The following GABBR1 variants were observed in gnomAD, a reference collection of about 807,000 sequenced individuals.
The protein encoded by GABBR1 is gamma-aminobutyric acid type B receptor subunit 1.
A neutral mutation model predicts 117.7 loss-of-function variants in GABBR1; 35 were observed. The observed-to-expected ratio is 0.30, with a 90% confidence interval of 0.23 to 0.39. The LOEUF is 0.39. GABBR1 is among the 10% of genes least tolerant of loss of function. GABBR1 has a pLI of 1.00. For synonymous variants in GABBR1, 442 were observed against 486.6 expected, an observed-to-expected ratio of 0.91 and a Z score of 1.21; for missense variants, 709 against 1,241.8, an observed-to-expected ratio of 0.57 and a Z score of 6.45.
Position 29,624,020 on chromosome 6 carries a change from TCA to T in GABBR1, c.660_661del (p.Cys220Ter). On this transcript the variant is annotated stop_gained and frameshift_variant and splice_region_variant, in exon 7 of 23. Transcript: ENST00000377034. LOFTEE classifies it high-confidence loss of function. ...TAGGTACTTGGTGGCTTGGCCTGGATCACACTGAAAGACAAGAGGAGATGAGG... is the reference window on the plus strand; with the variant it reads ...TAGGTACTTGGTGGCTTGGCCTGGATCACTGAAAGACAAGAGGAGATGAGG... 1 of 1,611,108 alleles carries T rather than the reference TCA, an allele frequency of 6.2e-7. No homozygotes were observed. The highest frequency in any genetic ancestry group is 8.5e-7 in the Non-Finnish European group (1 of 1,178,790).
In GABBR1 at chr6:29,631,260, TA is replaced by T; in HGVS notation, c.289+135del. On this transcript the variant is annotated intron_variant, in intron 3 of 22. Coordinates refer to ENST00000377034, the MANE Select transcript of GABBR1 (RefSeq NM_001470.4). The surrounding 1 kb of genome is among the most constrained non-coding windows in gnomAD (Gnocchi z 5.9). ...CGCACAGAGCAAAATTGCTCTTATGTAGTAGTCATTCAATAAATGTATTTGT... is the reference window on the plus strand; with the variant it reads ...CGCACAGAGCAAAATTGCTCTTATGTGTAGTCATTCAATAAATGTATTTGT... 3 of 889,680 alleles carry T rather than the reference TA, an allele frequency of 3.4e-6. No homozygotes were observed. The highest frequency in any genetic ancestry group is 3.5e-6 in the Non-Finnish European group (2 of 567,006). 55.1% of individuals were successfully genotyped at this position (889,680 alleles called of 1,614,324 possible). A position where few individuals can be genotyped will look rare whatever the true frequency, so the allele number is the denominator to read the frequency against.
In GABBR1 at chr6:29,627,143, G is replaced by C. The variant is rs1182005804; in HGVS notation, c.657+343C>G. On this transcript the variant is annotated intron_variant, in intron 6 of 22. Coordinates refer to ENST00000377034, the MANE Select transcript of GABBR1 (RefSeq NM_001470.4). This position sits in a 1 kb window ranked among gnomAD's most constrained non-coding sequence, Gnocchi z 4.4. The stretch of plus-strand genomic sequence containing the variant: ...TTCCCTCCACCCCCAACCCATTCCA[G>C]GGTTAGTTTACTCCCTCAGAGGATC... Among the ~76,000 whole-genome samples the C allele has an allele frequency of 1.3e-5, 2 of 152,060 alleles. No individual in the cohort carries two copies. Among genetic ancestry groups the C allele is most frequent in the Admixed American group, 6.5e-5 (1 of 15,274 alleles).
Position 29,623,368 on chromosome 6 carries a change from G to C in GABBR1, c.900C>G (p.Leu300=), listed in dbSNP as rs1480036179. The change falls in exon 8 of 23, where the codon CTC becomes CTG. Residue 300 remains leucine (L), a synonymous_variant. Coordinates refer to ENST00000377034, the MANE Select transcript of GABBR1 (RefSeq NM_001470.4). The surrounding 1 kb of genome is among the most constrained non-coding windows in gnomAD (Gnocchi z 6.2). ...ATLHNPTRVK[L]FEKWGWKKIA... ...TCTTCTTCCAGCCCCACTTTTCAAA[G>C]AGTTTCACGCGGGTAGGGTTGTGGA... The C allele has an allele frequency of 6.2e-7, 1 of 1,614,034 alleles. No individual in the cohort carries two copies. The highest frequency in any genetic ancestry group is 8.5e-7 in the Non-Finnish European group (1 of 1,180,036).
rs773682016 is a variant in GABBR1, at chr6:29,621,742, C to G, written c.1131+10G>C. On this transcript the variant is annotated intron_variant, in intron 10 of 22. Transcript: ENST00000377034. This position sits in a 1 kb window ranked among gnomAD's most constrained non-coding sequence, Gnocchi z 5.0. The stretch of plus-strand genomic sequence containing the variant: ...ACCCAGTGCCCCTCCCTCTTCAGAT[C>G]CAACTCCACCTCACAAAAAACTTTC... 1 of 1,612,882 alleles carries G rather than the reference C, an allele frequency of 6.2e-7. No individual in the cohort carries two copies. Among genetic ancestry groups the G allele is most frequent in the Non-Finnish European group, 8.5e-7 (1 of 1,178,994 alleles).
In GABBR1 at chr6:29,620,892, T is replaced by C. The variant is rs1008173624; in HGVS notation, c.1323+209A>G. The stretch of plus-strand genomic sequence containing the variant: ...CTACTGAACATACAACTCCATCGTT[T>C]TTTTTTTTTTCTCTCTCTACCCAAG... On this transcript the variant is annotated intron_variant, in intron 11 of 22. Coordinates refer to ENST00000377034, the MANE Select transcript of GABBR1 (RefSeq NM_001470.4). This position sits in a 1 kb window ranked among gnomAD's most constrained non-coding sequence, Gnocchi z 4.5. Among the ~76,000 whole-genome samples, 1 of 138,960 alleles carries C rather than the reference T, an allele frequency of 7.2e-6. No individual in the cohort carries two copies. The highest frequency in any genetic ancestry group is 1.6e-5 in the Non-Finnish European group (1 of 61,744). 91.2% of individuals were successfully genotyped at this position (138,960 alleles called of 152,430 possible).
rs1015508035 is a variant in GABBR1 at position 29,609,079 on chromosome 6, G to C, written c.1859+150C>G. The stretch of plus-strand genomic sequence containing the variant: ...GGAGTAGGAGTGGGGGTTATATCTG[G>C]TTTCCCTGTTTTCATTCTCAACAAG... On this transcript the variant is annotated intron_variant, in intron 15 of 22. Transcript: ENST00000377034. This position sits in a 1 kb window ranked among gnomAD's most constrained non-coding sequence, Gnocchi z 4.3. 75 of 795,398 alleles carry C rather than the reference G, an allele frequency of 9.4e-5. No individual in the cohort carries two copies. In the East Asian group the frequency reaches 1.9e-3, roughly 20 times the overall value. The allele number at this position is 795,398 out of a possible 1,614,324, so 49.3% of individuals were successfully genotyped here.
At chr6:29,615,595 T>G (rs1582979980) in intron 11 of GABBR1, among the ~76,000 whole-genome samples, 5 of 127,378 alleles carry the variant, frequency 3.9e-5, no homozygotes, top group South Asian at 2.5e-4. Flanking sequence ...GGCGATGGAG[T>G]GAGACTCTGC....
rs575666446 is a variant in GABBR1, at chr6:29,611,351, G to A, written c.1631-350C>T. Among the ~76,000 whole-genome samples the A allele has an allele frequency of 2.6e-5, 4 of 152,230 alleles. No homozygotes were observed. The East Asian group carries it at 7.7e-4, about 29-fold the overall frequency. On this transcript the variant is annotated intron_variant, in intron 13 of 22. Coordinates refer to ENST00000377034, the MANE Select transcript of GABBR1 (RefSeq NM_001470.4). The surrounding 1 kb of genome is among the most constrained non-coding windows in gnomAD (Gnocchi z 4.6). ...CTTCTAAAGCTTTACACATATTTCTGCTTATTCTTCCTCTCATGATGGGCA... is the reference window on the plus strand; with the variant it reads ...CTTCTAAAGCTTTACACATATTTCTACTTATTCTTCCTCTCATGATGGGCA...
intron 15 of GABBR1, among the ~76,000 whole-genome samples, chr6:29,608,949 C>A (rs888151010): frequency 1.3e-5 from 2 of 152,162 alleles, no homozygotes; most frequent in African/African-American, 4.8e-5. Context: ...AAGCACAGGC[C>A]CCCACTAGAA....
chr6:29,629,198 A>C (rs1252789414), intron 4 of GABBR1, 91 bp from the exon 5 acceptor site: 1 of 1,431,636 alleles, frequency 7.0e-7, no homozygotes, highest in Admixed American at 1.8e-5. Context: ...ACACCTGTCC[A>C]TGCTGAAGAC....
Position 29,631,516 on chromosome 6 carries a change from G to A in GABBR1, c.169C>T (p.Leu57=). The change falls in exon 3 of 23, where the codon CTG becomes TTG. Residue 57 remains leucine, a synonymous_variant. Transcript: ENST00000377034. The surrounding 1 kb of genome is among the most constrained non-coding windows in gnomAD (Gnocchi z 5.9). ...TACTCAATCTCATAGTCCACTGGCA[G>A]GAAGTTGATAGCCTTCACCTGGTCC... is the stretch of plus-strand genomic sequence containing the variant. ...TRDQVKAINF[L]PVDYEIEYVC... The A allele has an allele frequency of 1.9e-6, 3 of 1,614,232 alleles. No homozygotes were observed. The highest frequency in any genetic ancestry group is 1.7e-5 in the Admixed American group (1 of 60,028).
rs976254998 is a variant in GABBR1, at chr6:29,620,087, C to A, written c.1323+1014G>T. On this transcript the variant is annotated intron_variant, in intron 11 of 22. Transcript: ENST00000377034. The surrounding 1 kb of genome is among the most constrained non-coding windows in gnomAD (Gnocchi z 4.5). ...TTTCCATGGGAAGTGATGAGCAGAG[C>A]AGTTTGGAGCCAGATTTAACTAGGA... Among the ~76,000 whole-genome samples, 3 of 152,170 alleles carry A rather than the reference C, an allele frequency of 2.0e-5. No homozygotes were observed. Among genetic ancestry groups the A allele is most frequent in the African/African-American group, 7.2e-5 (3 of 41,420 alleles).
rs1467870912 is a variant in GABBR1, at chr6:29,605,792, G to A, written c.2312-96C>T. 2 of 1,454,802 alleles carry A rather than the reference G, an allele frequency of 1.4e-6. No individual in the cohort carries two copies. The highest frequency in any genetic ancestry group is 2.3e-5 in the East Asian group (1 of 43,212). The allele number at this position is 1,454,802 out of a possible 1,614,324, so 90.1% of individuals were successfully genotyped here. On this transcript the variant is annotated intron_variant, in intron 19 of 22. Transcript: ENST00000377034. The surrounding 1 kb of genome is among the most constrained non-coding windows in gnomAD (Gnocchi z 4.2). ...TCTGCCCTTCACCTACTCTGAAATGGAAAGGGGGCCCTCCTCTCCAATCCA... is the reference window on the plus strand; with the variant it reads ...TCTGCCCTTCACCTACTCTGAAATGAAAAGGGGGCCCTCCTCTCCAATCCA...
At chr6:29,628,932 T>C (rs1052537142) in intron 5 of GABBR1, among the ~76,000 whole-genome samples, 155 bp downstream of exon 5, 2 of 137,646 alleles carry the variant, frequency 1.5e-5, no homozygotes, top group African/African-American at 2.8e-5. Context: ...AGGAAACAGG[T>C]AGGGAGGGAA....
At chr6:29,626,381 C>G (rs1054778924) in intron 6 of GABBR1, among the ~76,000 whole-genome samples, 3 of 152,140 alleles carry the variant, frequency 2.0e-5, no homozygotes, top group African/African-American at 7.2e-5. Context: ...CTATTTCACC[C>G]TAACCCAATT....
In GABBR1 at chr6:29,621,392, G is replaced by A. The variant is rs1329120629; in HGVS notation, c.1132-100C>T. ...TTAGCCTCTTGGGAATCAGGGAAGAGCAGTAGAACTAAAAAGAGAAATCTA... is the reference window on the plus strand; with the variant it reads ...TTAGCCTCTTGGGAATCAGGGAAGAACAGTAGAACTAAAAAGAGAAATCTA... On this transcript the variant is annotated intron_variant, in intron 10 of 22. Coordinates refer to ENST00000377034, the MANE Select transcript of GABBR1 (RefSeq NM_001470.4). This position sits in a 1 kb window ranked among gnomAD's most constrained non-coding sequence, Gnocchi z 5.0. 8.9e-6 allele frequency: 8 copies of A among 901,656 alleles called. No individual in the cohort carries two copies. Among genetic ancestry groups the A allele is most frequent in the South Asian group, 1.7e-5 (1 of 58,884 alleles). The allele number at this position is 901,656 out of a possible 1,614,324, so 55.9% of individuals were successfully genotyped here.
In GABBR1 at chr6:29,614,212, A is replaced by T. The variant is rs570493664; in HGVS notation, c.1324-727T>A. Among the ~76,000 whole-genome samples, 5 of 152,310 alleles carry T rather than the reference A, an allele frequency of 3.3e-5. No individual in the cohort carries two copies. In the South Asian group the frequency reaches 1.0e-3, roughly 32 times the overall value. On this transcript the variant is annotated intron_variant, in intron 11 of 22. Coordinates refer to ENST00000377034, the MANE Select transcript of GABBR1 (RefSeq NM_001470.4). The stretch of plus-strand genomic sequence containing the variant: ...ACCTGACTTCATATACCTTGCAGTA[A>T]CCTTGTTTGGCTAAATAACTGTAAG...
chr6:29,610,105 T>A (rs921023865), intron 14 of GABBR1, among the ~76,000 whole-genome samples: 1 of 150,218 alleles, frequency 6.7e-6, no homozygotes, highest in East Asian at 1.9e-4. Context: ...CCAGCAGTGC[T>A]GGGAATGACT....
At position 29,603,536 on chromosome 6, in the gene GABBR1, C is replaced by T. The variant is rs768546308; in HGVS notation, c.*7G>A. 61 of 1,557,578 alleles carry T rather than the reference C, an allele frequency of 3.9e-5. No homozygotes were observed. The South Asian group carries it at 6.5e-4, about 17-fold the overall frequency. On this transcript the variant is annotated 3_prime_UTR_variant, in exon 23 of 23. Coordinates refer to ENST00000377034, the MANE Select transcript of GABBR1 (RefSeq NM_001470.4). ...CCCCTACTGGCCTGTCCTCCCTCAC[C>T]CTACCCTCACTTATAAAGCAAATGC...
Sources: allele counts gnomAD v4.1 joint callset (sites outside exome capture counted in the v4.1 genomes callset), GRCh38; gene constraint gnomAD v4.1.1; non-coding constraint Gnocchi (gnomAD v3.1); transcripts MANE v1.5; gene names NCBI Gene and HGNC (gene_info 2026-07-23, HGNC 2026-07-21).